Variants in BTRC observed in about 807,000 individuals in gnomAD.
The protein encoded by BTRC is F-box/WD repeat-containing protein 1A.
In BTRC, 42 loss-of-function variants were observed where a neutral mutation model predicts 85.5. The observed-to-expected ratio is 0.49, with a 90% confidence interval of 0.38 to 0.64. The LOEUF (loss-of-function observed/expected upper bound fraction) is 0.64. BTRC is among the 30% of genes least tolerant of loss of function. BTRC has a pLI of 0.00. For missense variants in BTRC, 594 were observed against 743.5 expected, an observed-to-expected ratio of 0.80 and a Z score of 2.34; for synonymous variants, 255 against 263.3, an observed-to-expected ratio of 0.97 and a Z score of 0.30.
intron 2 of BTRC, among the ~76,000 whole-genome samples, chr10:101,441,100 G>A (rs757502415): frequency 6.6e-6 from 1 of 152,110 alleles, no homozygotes. Flanking sequence ...AATCATTCTT[G>A]TAGAAATTGA....
At chr10:101,412,340 C>A (rs1282066269) in intron 1 of BTRC, among the ~76,000 whole-genome samples, 1 of 152,182 alleles carries the variant, frequency 6.6e-6, no homozygotes, top group Non-Finnish European at 1.5e-5. Flanking sequence ...TCTTGTGCAG[C>A]AGCCTGGACA....
intron 1 of BTRC, among the ~76,000 whole-genome samples, chr10:101,389,290 A>C (rs1943176173): frequency 6.6e-6 from 1 of 151,570 alleles, no homozygotes; most frequent in Non-Finnish European, 1.5e-5. Context: ...TCCAAAATAC[A>C]TCTCAAATTC....
chr10:101,414,516 A>G (rs1319560641), intron 1 of BTRC: 2 of 354,346 alleles, frequency 5.6e-6, no homozygotes, highest in Non-Finnish European at 1.1e-5. Context: ...TTTTATTGTT[A>G]TTTTAGAGTG....
intron 4 of BTRC, among the ~76,000 whole-genome samples, chr10:101,480,787 G>A (rs1945813475): frequency 6.6e-6 from 1 of 152,146 alleles, no homozygotes. Flanking sequence ...TAAAAAGGTA[G>A]AGTTCATCAG....
chr10:101,394,301 G>A (rs4919541), intron 1 of BTRC, among the ~76,000 whole-genome samples: 41,509 of 152,122 alleles, frequency 0.27, 6,779 homozygotes, highest in South Asian at 0.41. Context: ...TCTAATTGCC[G>A]ATGACTAATA....
Position 101,366,992 on chromosome 10 carries a change from A to ATAT in BTRC, c.48+12765_48+12766insATT, listed in dbSNP as rs1564730694. ...AATATATATTTATATATTTATATATATTAATATATATATTTATATATATAT... is the reference window on the plus strand; with the variant it reads ...AATATATATTTATATATTTATATATATATTTAATATATATATTTATATATATAT... On this transcript the variant is annotated intron_variant, in intron 1 of 14. Coordinates refer to ENST00000370187, the MANE Select transcript of BTRC (RefSeq NM_033637.4). Among the ~76,000 whole-genome samples, 43 of 34,244 alleles carry ATAT rather than the reference A, an allele frequency of 1.3e-3. 8 individuals carry two copies. The highest frequency in any genetic ancestry group is 2.2e-3 in the African/African-American group (28 of 12,536). 22.5% of individuals were successfully genotyped at this position (34,244 alleles called of 152,430 possible).
chr10:101,468,535 A>AT (rs936371446), intron 3 of BTRC, among the ~76,000 whole-genome samples: 1 of 152,090 alleles, frequency 6.6e-6, no homozygotes, highest in African/African-American at 2.4e-5. Flanking sequence ...TCTGTGTGGC[A>AT]TTTTTAAAAC....
intron 2 of BTRC, among the ~76,000 whole-genome samples, chr10:101,460,159 G>A (rs1945186644): frequency 6.6e-6 from 1 of 151,688 alleles, no homozygotes; most frequent in African/African-American, 2.4e-5. Context: ...GTTTATAATT[G>A]GATACTGGCT....
At chr10:101,520,776 G>A (rs2062093064) in intron 4 of BTRC, among the ~76,000 whole-genome samples, 1 of 152,062 alleles carries the variant, frequency 6.6e-6, no homozygotes, top group South Asian at 2.1e-4. Flanking sequence ...TGTCCAACAT[G>A]ATGAAACCCT....
chr10:101,513,859 T>A (rs2061988667), intron 4 of BTRC, among the ~76,000 whole-genome samples: 1 of 152,258 alleles, frequency 6.6e-6, no homozygotes, highest in Non-Finnish European at 1.5e-5. Flanking sequence ...CAACTTGTTT[T>A]CCAAAGTAGT....
At chr10:101,429,371 C>T (rs1944338954) in intron 1 of BTRC, among the ~76,000 whole-genome samples, 1 of 152,010 alleles carries the variant, frequency 6.6e-6, no homozygotes, top group Non-Finnish European at 1.5e-5. Context: ...TGTGTAATTT[C>T]TACCTTTTTT....
intron 1 of BTRC, among the ~76,000 whole-genome samples, chr10:101,363,308 A>C (rs950265150): frequency 6.6e-6 from 1 of 152,206 alleles, no homozygotes; most frequent in African/African-American, 2.4e-5. Flanking sequence ...ACTTACGTGC[A>C]GTATACTTCC....
intron 1 of BTRC, among the ~76,000 whole-genome samples, chr10:101,389,119 GTTTTTTTTTT>G (rs1188561028): frequency 9.6e-5 from 4 of 41,556 alleles, no homozygotes; most frequent in Non-Finnish European, 1.6e-4. Flanking sequence ...TTTTGTGTGT[GTTTTTTTTTT>G]TTTTTTTTTT....
chr10:101,450,012 A>G (rs1297770101), intron 2 of BTRC, among the ~76,000 whole-genome samples: 3 of 150,674 alleles, frequency 2.0e-5, no homozygotes, highest in Non-Finnish European at 3.0e-5. Flanking sequence ...AAAAAAAACT[A>G]CTTGAAAGGG....
chr10:101,394,103 T>A (rs931757269), intron 1 of BTRC, among the ~76,000 whole-genome samples: 39 of 152,222 alleles, frequency 2.6e-4, no homozygotes, highest in African/African-American at 8.9e-4. Context: ...CCATCTCAAT[T>A]CTATTTAGAA....
In BTRC at chr10:101,554,769, T is replaced by C. The variant is rs1408585220; in HGVS notation, c.*1646T>C. The C allele has an allele frequency of 2.6e-5, 4 of 152,590 alleles. No individual in the cohort carries two copies. Among genetic ancestry groups the C allele is most frequent in the African/African-American group, 9.7e-5 (4 of 41,432 alleles). 9.5% of individuals were successfully genotyped at this position (152,590 alleles called of 1,614,324 possible). ...TGTGTGAGCTGCCAAGCTAGTGGGC[T>C]TCAGGTGCAAGGGTACCTGTGCCAC... is the stretch of plus-strand genomic sequence containing the variant. On this transcript the variant is annotated 3_prime_UTR_variant, in exon 15 of 15. Coordinates refer to ENST00000370187, the MANE Select transcript of BTRC (RefSeq NM_033637.4).
At chr10:101,418,639 T>A (rs947870870) in intron 1 of BTRC, among the ~76,000 whole-genome samples, 1 of 151,918 alleles carries the variant, frequency 6.6e-6, no homozygotes, top group Admixed American at 6.6e-5. Flanking sequence ...TTGCCAAACA[T>A]ATATATGTTT....
intron 4 of BTRC, among the ~76,000 whole-genome samples, chr10:101,506,785 A>G (rs1946553823): frequency 6.6e-6 from 1 of 152,216 alleles, no homozygotes; most frequent in Non-Finnish European, 1.5e-5. Flanking sequence ...TTTCCTAGCT[A>G]TAGTGTACTC....
At position 101,498,014 on chromosome 10, in the gene BTRC, G is replaced by A. The variant is rs574945020; in HGVS notation, c.324+18557G>A. On this transcript the variant is annotated intron_variant, in intron 4 of 14. Coordinates refer to ENST00000370187, the MANE Select transcript of BTRC (RefSeq NM_033637.4). ...CAGCCTGGTGACAGAGCGAGACTCC[G>A]TCTCTTAATTAATTAATTAATTAAA... Among the ~76,000 whole-genome samples, 8 of 152,170 alleles carry A rather than the reference G, an allele frequency of 5.3e-5. No individual in the cohort carries two copies. The South Asian group carries it at 6.2e-4, about 12-fold the overall frequency.
Sources: gnomAD v4.1 joint callset for allele counts (sites outside exome capture counted in the v4.1 genomes callset) on GRCh38, gnomAD v4.1.1 for gene constraint, MANE v1.5 for transcripts, NCBI Gene and HGNC (gene_info 2026-07-23, HGNC 2026-07-21) for gene names.